HDAC9: variants seen among roughly 807,000 people sequenced by gnomAD.
HDAC9 encodes histone deacetylase 9.
A neutral mutation model predicts 139.4 loss-of-function variants in HDAC9; 41 were observed. That is an observed-to-expected ratio of 0.29 (90% CI 0.23 to 0.38). The LOEUF is 0.38. Among genes scored for constraint, HDAC9 ranks in the 10% least tolerant of loss-of-function variants. The probability of loss-of-function intolerance (pLI) is 1.00; values close to 1 mark genes in which losing one functional copy is unlikely to be tolerated. For missense variants in HDAC9, 1,147 were observed against 1,297.0 expected (o/e 0.88, Z 1.78); for synonymous variants, 517 against 476.2 (o/e 1.09, Z -1.12).
intron 13 of HDAC9, among the ~76,000 whole-genome samples, chr7:18,738,816 G>A (rs1000656573): frequency 4.6e-5 from 7 of 152,204 alleles, no homozygotes; most frequent in African/African-American, 1.4e-4. Context: ...TGCCTTGTGA[G>A]GTTGGGGATG....
chr7:18,979,927 A>T (rs1394039763), intron 25 of HDAC9, among the ~76,000 whole-genome samples: 1 of 152,158 alleles, frequency 6.6e-6, no homozygotes, highest in African/African-American at 2.4e-5. Flanking sequence ...CACACTGGGG[A>T]TTATATTTCA....
intron 12 of HDAC9, among the ~76,000 whole-genome samples, chr7:18,714,500 G>C (rs1178120): frequency 6.6e-6 from 1 of 152,022 alleles, no homozygotes; most frequent in Non-Finnish European, 1.5e-5. Context: ...GTCTTATGGA[G>C]TCTTACGAAT....
At chr7:18,131,102 T>C (rs1784971046) in intron 1 of HDAC9, among the ~76,000 whole-genome samples, 1 of 152,160 alleles carries the variant, frequency 6.6e-6, no homozygotes, top group African/African-American at 2.4e-5. Flanking sequence ...AATGAGATTT[T>C]GTACTATAAT....
chr7:18,795,103 C>T (rs1376870787), intron 17 of HDAC9, among the ~76,000 whole-genome samples: 1 of 151,866 alleles, frequency 6.6e-6, no homozygotes, highest in Admixed American at 6.6e-5. Flanking sequence ...ATAGCCAGTT[C>T]CAAACAATGT....
At chr7:18,706,241 G>A (rs1455768101) in intron 12 of HDAC9, among the ~76,000 whole-genome samples, 1 of 119,430 alleles carries the variant, frequency 8.4e-6, no homozygotes, top group Non-Finnish European at 1.6e-5. Context: ...CATTTCATTT[G>A]CGTAATTAAG....
At chr7:18,110,312 C>A (rs1250647896) in intron 1 of HDAC9, among the ~76,000 whole-genome samples, 2 of 152,050 alleles carry the variant, frequency 1.3e-5, no homozygotes, top group East Asian at 3.9e-4. Context: ...TCAAAAGTAA[C>A]CACTGTAGAA....
In HDAC9 at chr7:18,385,679, C is replaced by T. The variant is rs375257628; in HGVS notation, c.-42+95164C>T. 2.0e-5 allele frequency among the ~76,000 whole-genome samples: 3 copies of T among 152,316 alleles called. No individual in the cohort carries two copies. In the East Asian group the frequency reaches 5.8e-4, roughly 29 times the overall value. On this transcript the variant is annotated intron_variant, in intron 1 of 3. Transcript: ENST00000413509. ...GAACTATTCGCTAATAGCCATTTCT[C>T]ATAAATTGGCTTTAGAATATACCTC...
chr7:18,829,871 A>G (rs1795730806), intron 19 of HDAC9, among the ~76,000 whole-genome samples: 1 of 152,218 alleles, frequency 6.6e-6, no homozygotes, highest in Non-Finnish European at 1.5e-5. Flanking sequence ...CAGAATATAG[A>G]CTCAATAGTC....
intron 3 of HDAC9, 56 bp downstream of exon 3, chr7:18,585,578 A>G: frequency 6.3e-7 from 1 of 1,592,826 alleles, no homozygotes; most frequent in Non-Finnish European, 8.5e-7. Flanking sequence ...CGTGGTGGGC[A>G]TGAACAGTGC....
intron 12 of HDAC9, among the ~76,000 whole-genome samples, chr7:18,671,909 G>T (rs1309095741): frequency 6.6e-6 from 1 of 151,892 alleles, no homozygotes; most frequent in African/African-American, 2.4e-5. Flanking sequence ...CCTTCTTATG[G>T]CTGAGTAATA....
At chr7:18,856,374 A>G (rs1320190173) in intron 21 of HDAC9, among the ~76,000 whole-genome samples, 1 of 152,166 alleles carries the variant, frequency 6.6e-6, no homozygotes, top group African/African-American at 2.4e-5. Flanking sequence ...CTAAAAATCA[A>G]AATCTATTTT....
At chr7:18,818,048 T>C (rs1794700197) in intron 17 of HDAC9, among the ~76,000 whole-genome samples, 1 of 152,234 alleles carries the variant, frequency 6.6e-6, no homozygotes, top group Non-Finnish European at 1.5e-5. Flanking sequence ...TTCACACACA[T>C]AAAACATCGC....
At chr7:18,164,110 C>T (rs1033061375) in intron 2 of HDAC9, among the ~76,000 whole-genome samples, 1 of 152,130 alleles carries the variant, frequency 6.6e-6, no homozygotes, top group Non-Finnish European at 1.5e-5. Context: ...GCTGTGTTGA[C>T]AATAACATTA....
intron 1 of HDAC9, among the ~76,000 whole-genome samples, chr7:18,144,305 T>C (rs1306872524): frequency 6.6e-6 from 1 of 152,194 alleles, no homozygotes; most frequent in Non-Finnish European, 1.5e-5. Context: ...GAACTGCTTG[T>C]TGTTCCTCAT....
intron 2 of HDAC9, among the ~76,000 whole-genome samples, chr7:18,189,346 G>C (rs756489660): frequency 1.3e-5 from 2 of 151,630 alleles, no homozygotes; most frequent in Non-Finnish European, 2.9e-5. Context: ...CTGTTGAGGG[G>C]TGGGGGGTGA....
intron 6 of HDAC9, among the ~76,000 whole-genome samples, chr7:18,613,110 ATATAAG>A (rs1333269297): frequency 6.8e-6 from 1 of 148,102 alleles, no homozygotes; most frequent in African/African-American, 2.4e-5. Flanking sequence ...ATATAAATAT[ATATAAG>A]TATAATATAA....
intron 14 of HDAC9, among the ~76,000 whole-genome samples, chr7:18,752,025 G>C (rs1225418975): frequency 2.0e-5 from 3 of 151,842 alleles, no homozygotes; most frequent in African/African-American, 7.3e-5. Flanking sequence ...TTTTTGATTT[G>C]ACAAATTAAG....
At chr7:18,304,804 T>C (rs999150923) in intron 1 of HDAC9, among the ~76,000 whole-genome samples, 6 of 152,172 alleles carry the variant, frequency 3.9e-5, no homozygotes, top group African/African-American at 1.4e-4. Flanking sequence ...TCTTGTGATT[T>C]CTCTAAGAGA....
intron 2 of HDAC9, among the ~76,000 whole-genome samples, chr7:18,282,300 C>T (rs190879546): frequency 2.1e-4 from 32 of 152,100 alleles, no homozygotes; most frequent in Admixed American, 3.9e-4. Context: ...TTATAAATCC[C>T]GTTTTGTAAA....
Sources: gnomAD v4.1 joint callset for allele counts (sites outside exome capture counted in the v4.1 genomes callset) on GRCh38, gnomAD v4.1.1 for gene constraint, MANE v1.5 for transcripts, NCBI Gene and HGNC (gene_info 2026-07-23, HGNC 2026-07-21) for gene names.